Variants in CHST11 observed in about 807,000 individuals in gnomAD.
The protein encoded by CHST11 is carbohydrate sulfotransferase 11, also known as C4S-1.
In CHST11, 9 loss-of-function variants were observed where a neutral mutation model predicts 30.4. The ratio of observed to expected loss-of-function variants is 0.30; its 90% CI spans 0.18 to 0.52. The LOEUF is 0.52. CHST11 is among the 20% of genes least tolerant of loss of function. CHST11 has a pLI of 0.97. For synonymous variants in CHST11, 152 were observed against 187.8 expected, an observed-to-expected ratio of 0.81 and a Z score of 1.56; for missense variants, 348 against 460.6, an observed-to-expected ratio of 0.76 and a Z score of 2.24.
At chr12:104,753,278 C>A (rs1302562836) in intron 2 of CHST11, among the ~76,000 whole-genome samples, 1 of 152,194 alleles carries the variant, frequency 6.6e-6, no homozygotes, top group African/African-American at 2.4e-5. Flanking sequence ...TGTGTTGGTG[C>A]GTCTGACGGA....
rs1489683556 is a variant in CHST11 at position 104,740,959 on chromosome 12, G to A, written c.205-15990G>A. Reference sequence around the variant, plus strand: ...TGAGAATGGGCCGTCCTTCTTGAAAGAGGAAAAAGGCAGTGAAGTGATAAA... The same window carrying A: ...TGAGAATGGGCCGTCCTTCTTGAAAAAGGAAAAAGGCAGTGAAGTGATAAA... On this transcript the variant is annotated intron_variant, in intron 2 of 2. Transcript: ENST00000303694. 2.6e-5 allele frequency among the ~76,000 whole-genome samples: 4 copies of A among 152,206 alleles called. No individual in the cohort carries two copies. The South Asian group carries it at 8.3e-4, about 31-fold the overall frequency.
intron 1 of CHST11, among the ~76,000 whole-genome samples, chr12:104,599,197 G>A (rs561100894): frequency 6.6e-6 from 1 of 152,322 alleles, no homozygotes; most frequent in Admixed American, 6.5e-5. Context: ...GGCACCCAGT[G>A]AAGTCACGGG....
intron 1 of CHST11, among the ~76,000 whole-genome samples, chr12:104,601,127 C>T (rs1023576627): frequency 2.0e-5 from 3 of 151,792 alleles, no homozygotes; most frequent in Non-Finnish European, 4.4e-5. Context: ...TCCCTTCCTC[C>T]TTCCTCCTCC....
At chr12:104,631,780 G>A (rs2039272714) in intron 2 of CHST11, among the ~76,000 whole-genome samples, 1 of 152,228 alleles carries the variant, frequency 6.6e-6, no homozygotes, top group South Asian at 2.1e-4. Context: ...TAAAACAACA[G>A]TGACAGCAGA....
chr12:104,618,033 C>G (rs1328986273), intron 2 of CHST11, among the ~76,000 whole-genome samples: 4 of 151,574 alleles, frequency 2.6e-5, no homozygotes, highest in Admixed American at 2.6e-4. Context: ...CTCAGCCTCC[C>G]GAGTAGCTGG....
chr12:104,739,333 A>G (rs2040328463), intron 2 of CHST11, among the ~76,000 whole-genome samples: 1 of 152,224 alleles, frequency 6.6e-6, no homozygotes, highest in African/African-American at 2.4e-5. Flanking sequence ...TTTCATTACT[A>G]CATTGGCCTG....
chr12:104,732,033 C>T (rs758944906), intron 2 of CHST11, among the ~76,000 whole-genome samples: 5 of 152,222 alleles, frequency 3.3e-5, no homozygotes, highest in Non-Finnish European at 5.9e-5. Flanking sequence ...TGTCCTAGGG[C>T]AGGAGAAACT....
chr12:104,531,254 C>T (rs1205836057), intron 1 of CHST11, among the ~76,000 whole-genome samples: 1 of 151,950 alleles, frequency 6.6e-6, no homozygotes, highest in African/African-American at 2.4e-5. Flanking sequence ...CTTTGGGAGG[C>T]TGAGGTGAGA....
chr12:104,461,263 C>T (rs2037405244), intron 1 of CHST11, among the ~76,000 whole-genome samples: 1 of 152,172 alleles, frequency 6.6e-6, no homozygotes, highest in African/African-American at 2.4e-5. Context: ...GAAGGTTGGT[C>T]TTGTTTAGCC....
chr12:104,520,948 A>G (rs768006161), intron 1 of CHST11, among the ~76,000 whole-genome samples: 12 of 152,332 alleles, frequency 7.9e-5, no homozygotes, highest in Non-Finnish European at 1.6e-4. Flanking sequence ...AGAATAGAAC[A>G]TATTCTGAAT....
chr12:104,512,567 C>T (rs1325324356), intron 1 of CHST11, among the ~76,000 whole-genome samples: 3 of 152,158 alleles, frequency 2.0e-5, no homozygotes, highest in African/African-American at 7.2e-5. Flanking sequence ...CACAGTGCCC[C>T]TTTTATTTTA....
rs533479141 is a variant in CHST11 at position 104,638,498 on chromosome 12, C to A, written c.204+36507C>A. Among the ~76,000 whole-genome samples, 166 of 152,240 alleles carry A rather than the reference C, an allele frequency of 1.1e-3. 4 individuals are homozygous for A. In the South Asian group the frequency reaches 0.033, roughly 30 times the overall value. On this transcript the variant is annotated intron_variant, in intron 2 of 2. Coordinates refer to ENST00000303694, the MANE Select transcript of CHST11 (RefSeq NM_018413.6). ...GGGATGGGAAAATGCAGTCAGCATC[C>A]AACTGCCACTTGAATTACCAACATC...
intron 1 of CHST11, among the ~76,000 whole-genome samples, chr12:104,459,545 A>G (rs78057832): frequency 0.014 from 2,086 of 152,336 alleles, 33 homozygotes; most frequent in Non-Finnish European, 0.02. Context: ...TACAATTGTC[A>G]TGGAATTCTT....
chr12:104,610,959 G>A (rs2039054869), intron 2 of CHST11, among the ~76,000 whole-genome samples: 1 of 152,236 alleles, frequency 6.6e-6, no homozygotes, highest in Non-Finnish European at 1.5e-5. Context: ...CACATGGCAA[G>A]ATGCCCAGTC....
intron 2 of CHST11, among the ~76,000 whole-genome samples, chr12:104,740,051 A>C (rs1451094074): frequency 6.6e-6 from 1 of 152,208 alleles, no homozygotes; most frequent in African/African-American, 2.4e-5. Context: ...GATTTTCTGT[A>C]AAAATTGTAT....
At position 104,625,705 on chromosome 12, in the gene CHST11, A is replaced by G. The variant is rs1029524903; in HGVS notation, c.204+23714A>G. Among the ~76,000 whole-genome samples the G allele has an allele frequency of 2.6e-5, 4 of 152,348 alleles. 1 individual carries two copies. The highest frequency in any genetic ancestry group is 1.9e-4 in the East Asian group (1 of 5,186). ...TCTGAACTGTCTTCTTAAGGATTCC[A>G]TAAAACAGGTGCCCTGGGAGTTGAA... On this transcript the variant is annotated intron_variant, in intron 2 of 2. Coordinates refer to ENST00000303694, the MANE Select transcript of CHST11 (RefSeq NM_018413.6).
At chr12:104,527,656 T>C (rs1242492731) in intron 1 of CHST11, among the ~76,000 whole-genome samples, 3 of 152,234 alleles carry the variant, frequency 2.0e-5, no homozygotes, top group African/African-American at 4.8e-5. Context: ...TTACACTTTA[T>C]TGTTTTGTTT....
intron 2 of CHST11, among the ~76,000 whole-genome samples, chr12:104,722,155 A>AGTGTGT (rs57545833): frequency 0.11 from 14,506 of 137,420 alleles, 914 homozygotes; most frequent in Middle Eastern, 0.14. Flanking sequence ...CACTCAGCTA[A>AGTGTGT]GTGTGTGTGT....
intron 1 of CHST11, among the ~76,000 whole-genome samples, chr12:104,507,935 A>C (rs1225708402): frequency 6.6e-6 from 1 of 152,148 alleles, no homozygotes; most frequent in Non-Finnish European, 1.5e-5. Flanking sequence ...CCAGGATGGC[A>C]CTGCAGAGTC....
Sources: allele counts gnomAD v4.1 joint callset (sites outside exome capture counted in the v4.1 genomes callset), GRCh38; gene constraint gnomAD v4.1.1; transcripts MANE v1.5; gene names NCBI Gene and HGNC (gene_info 2026-07-23, HGNC 2026-07-21).